The following FAM81B variants were observed in gnomAD, a reference collection of about 807,000 sequenced individuals.
FAM81B encodes protein FAM81B.
A neutral mutation model predicts 58.7 loss-of-function variants in FAM81B; 60 were observed. The observed-to-expected ratio is 1.02, with a 90% confidence interval of 0.83 to 1.27. The LOEUF is 1.27. Among genes scored for constraint, FAM81B ranks in the 50% most tolerant of loss-of-function variants. FAM81B has a pLI of 0.00. For synonymous variants in FAM81B, 189 were observed against 179.6 expected, an observed-to-expected ratio of 1.05 and a Z score of -0.42; for missense variants, 491 against 522.0, an observed-to-expected ratio of 0.94 and a Z score of 0.58.
At chr5:95,391,639 G>A in intron 1 of FAM81B, 126 bp downstream of exon 1, 2 of 1,014,240 alleles carry the variant, frequency 2.0e-6, no homozygotes. Flanking sequence ...GCACAACAGA[G>A]TAATAACTTA....
chr5:95,404,104 G>A (rs1762182674), intron 3 of FAM81B, among the ~76,000 whole-genome samples: 1 of 152,238 alleles, frequency 6.6e-6, no homozygotes, highest in East Asian at 1.9e-4. Context: ...TGGCAAATCT[G>A]GGATATAGAT....
intron 7 of FAM81B, among the ~76,000 whole-genome samples, chr5:95,444,083 G>A (rs1009285044): frequency 5.3e-5 from 8 of 152,228 alleles, no homozygotes; most frequent in Admixed American, 2.6e-4. Flanking sequence ...ACCAGAGACA[G>A]GGAAAGGAAG....
intron 7 of FAM81B, among the ~76,000 whole-genome samples, chr5:95,445,168 TAATTTCC>T (rs1745507151): frequency 6.6e-6 from 1 of 152,206 alleles, no homozygotes; most frequent in Non-Finnish European, 1.5e-5. Context: ...ATGACTTAAT[TAATTTCC>T]AATGATAAAC....
intron 3 of FAM81B, chr5:95,410,697 T>A (rs1762382793): frequency 6.6e-6 from 1 of 152,146 alleles, no homozygotes; most frequent in Non-Finnish European, 1.5e-5. Flanking sequence ...GCTTTATCTG[T>A]CGTATTCATC....
intron 7 of FAM81B, among the ~76,000 whole-genome samples, chr5:95,439,262 A>G (rs567364061): frequency 2.1e-5 from 3 of 144,402 alleles, no homozygotes; most frequent in Non-Finnish European, 1.5e-5. Flanking sequence ...ATATATATAT[A>G]TATGTATATT....
intron 7 of FAM81B, among the ~76,000 whole-genome samples, chr5:95,442,611 AC>A (rs201769243): frequency 0.014 from 2,186 of 152,308 alleles, 46 homozygotes; most frequent in African/African-American, 0.049. Flanking sequence ...GGGAAAGACC[AC>A]ATTGACTTGG....
intron 3 of FAM81B, 54 bp from the exon 4 acceptor site, chr5:95,413,893 C>T (rs1762467030): frequency 6.5e-7 from 1 of 1,545,808 alleles, no homozygotes; most frequent in African/African-American, 1.4e-5. Flanking sequence ...GTTCCTGGCT[C>T]CTCCAGCTCA....
intron 2 of FAM81B, among the ~76,000 whole-genome samples, chr5:95,394,322 G>T (rs976275229): frequency 6.6e-5 from 10 of 152,146 alleles, no homozygotes; most frequent in African/African-American, 2.2e-4. Flanking sequence ...TAGTGCCCTT[G>T]GACACTGTAT....
At chr5:95,402,311 GA>G (rs1330318450) in intron 3 of FAM81B, among the ~76,000 whole-genome samples, 1 of 152,034 alleles carries the variant, frequency 6.6e-6, no homozygotes, top group Non-Finnish European at 1.5e-5. Flanking sequence ...TGCAAATAGG[GA>G]AAAAATATAA....
intron 3 of FAM81B, among the ~76,000 whole-genome samples, chr5:95,398,312 G>A (rs1349441685): frequency 6.6e-6 from 1 of 151,918 alleles, no homozygotes; most frequent in African/African-American, 2.4e-5. Context: ...CCAGCTACTC[G>A]AGAGGCTGAG....
intron 3 of FAM81B, among the ~76,000 whole-genome samples, chr5:95,406,615 C>G (rs1324147006): frequency 6.6e-6 from 1 of 152,122 alleles, no homozygotes; most frequent in Non-Finnish European, 1.5e-5. Context: ...GGGTATAAGT[C>G]CTTCCTTCCT....
At chr5:95,428,869 A>C in intron 6 of FAM81B, 137 bp downstream of exon 6, 2 of 1,151,012 alleles carry the variant, frequency 1.7e-6, no homozygotes, top group Non-Finnish European at 2.5e-6. Flanking sequence ...CTGACAGCTC[A>C]CTCATATACG....
rs116889131 is a variant in FAM81B, at chr5:95,414,739, G to A, written c.537+549G>A. Among the ~76,000 whole-genome samples, 6 of 152,236 alleles carry A rather than the reference G, an allele frequency of 3.9e-5. No individual in the cohort carries two copies. The East Asian group carries it at 1.2e-3, about 29-fold the overall frequency. On this transcript the variant is annotated intron_variant, in intron 4 of 9. Coordinates refer to ENST00000283357, the MANE Select transcript of FAM81B (RefSeq NM_152548.3). Reference sequence around the variant, plus strand: ...CTTCCCCTAGATATTCCTATGCAACGTGCTTCATTCCTCCAGGTTTCTGTT... The same window carrying A: ...CTTCCCCTAGATATTCCTATGCAACATGCTTCATTCCTCCAGGTTTCTGTT...
At chr5:95,393,468 C>T (rs1761884409) in intron 2 of FAM81B, among the ~76,000 whole-genome samples, 1 of 60,596 alleles carries the variant, frequency 1.7e-5, no homozygotes, top group South Asian at 7.1e-4. Context: ...GGAATGATTA[C>T]TTAACCTCTG....
intron 4 of FAM81B, among the ~76,000 whole-genome samples, chr5:95,417,839 C>T (rs947910971): frequency 1.3e-5 from 2 of 152,198 alleles, no homozygotes; most frequent in Non-Finnish European, 2.9e-5. Flanking sequence ...TGCAGTACAT[C>T]ACTGAAACCC....
At chr5:95,393,439 A>G (rs540557211) in intron 2 of FAM81B, among the ~76,000 whole-genome samples, 265 of 150,778 alleles carry the variant, frequency 1.8e-3, no homozygotes, top group African/African-American at 6.2e-3. Context: ...GCTGTACCAC[A>G]TACTAGCTGT....
At chr5:95,448,554 A>C in intron 9 of FAM81B, 90 bp downstream of exon 9, 1 of 1,218,442 alleles carries the variant, frequency 8.2e-7, no homozygotes, top group Non-Finnish European at 1.1e-6. Flanking sequence ...GCCAGGGATC[A>C]ATCTTGTCAT....
At chr5:95,392,985 C>A in intron 2 of FAM81B, 88 bp downstream of exon 2, 2 of 1,165,692 alleles carry the variant, frequency 1.7e-6, no homozygotes, top group East Asian at 2.9e-5. Flanking sequence ...TTAAGAAGTT[C>A]TGGAAGAATA....
chr5:95,442,017 T>C (rs1745377093), intron 7 of FAM81B, among the ~76,000 whole-genome samples: 1 of 152,198 alleles, frequency 6.6e-6, no homozygotes, highest in South Asian at 2.1e-4. Context: ...GTTTGGTCAA[T>C]GAAGCAAATG....
Sources: allele counts gnomAD v4.1 joint callset (sites outside exome capture counted in the v4.1 genomes callset), GRCh38; gene constraint gnomAD v4.1.1; transcripts MANE v1.5; gene names NCBI Gene and HGNC (gene_info 2026-07-23, HGNC 2026-07-21).